Variants in C16orf78 observed in about 807,000 individuals in gnomAD.
The protein encoded by C16orf78 is uncharacterized protein C16orf78.
Under a neutral mutation model 27.3 loss-of-function variants are expected in C16orf78, and 19 were observed. The ratio of observed to expected loss-of-function variants is 0.70; its 90% CI spans 0.49 to 1.02. The LOEUF (loss-of-function observed/expected upper bound fraction) is 1.02. C16orf78 is among the 50% of genes least tolerant of loss of function. The pLI is 0.00. For synonymous variants in C16orf78, 130 were observed against 116.1 expected, an observed-to-expected ratio of 1.12 and a Z score of -0.77; for missense variants, 339 against 337.0, an observed-to-expected ratio of 1.01 and a Z score of -0.05.
At chr16:49,378,411 C>A (rs1047205354) in intron 2 of C16orf78, 59 bp from the exon 3 acceptor site, 1 of 1,532,564 alleles carries the variant, frequency 6.5e-7, no homozygotes, top group Non-Finnish European at 8.8e-7. Context: ...TGGGATGGAG[C>A]GGGGAGGGCG....
intron 3 of C16orf78, among the ~76,000 whole-genome samples, chr16:49,395,871 G>C (rs942054821): frequency 6.6e-6 from 1 of 152,092 alleles, no homozygotes; most frequent in East Asian, 1.9e-4. Context: ...AAGCAGAAAG[G>C]GGGAAGGAGG....
rs1965247813 is a variant in C16orf78 at position 49,378,501 on chromosome 16, C to T, written c.302C>T (p.Ala101Val). 6.2e-7 allele frequency: 1 copy of T among 1,603,510 alleles called. No homozygotes were observed. The highest frequency in any genetic ancestry group is 8.5e-7 in the Non-Finnish European group (1 of 1,174,746). The change falls in exon 3 of 5, where the codon GCC becomes GTC. Residue 101 changes from alanine to valine, a missense_variant. Transcript: ENST00000299191. Reference sequence around the variant, plus strand: ...GGAAAGAGATTCAGGAAGGACGCCGCCTCCTACCGAAGCCTCTATGGAGTG... The same window carrying T: ...GGAAAGAGATTCAGGAAGGACGCCGTCTCCTACCGAAGCCTCTATGGAGTG... ...ALGKRFRKDA[A>V]SYRSLYGVEQ...
chr16:49,387,830 T>G (rs1259407451), intron 3 of C16orf78, among the ~76,000 whole-genome samples: 2 of 152,232 alleles, frequency 1.3e-5, no homozygotes, highest in Non-Finnish European at 2.9e-5. Flanking sequence ...TTTTTCTAGC[T>G]TATGTACAGA....
rs779186441 is a variant in C16orf78 at position 49,377,727 on chromosome 16, T to C, written c.151-4T>C. 6.2e-7 allele frequency: 1 copy of C among 1,602,602 alleles called. No homozygotes were observed. Among genetic ancestry groups the C allele is most frequent in the South Asian group, 1.1e-5 (1 of 88,320 alleles). ...TGCAGGGCTCTCTTCCCTTGTCTTTTCAGAAGCAAAAGCCCAAAGTGGTGA... is the reference window on the plus strand; with the variant it reads ...TGCAGGGCTCTCTTCCCTTGTCTTTCCAGAAGCAAAAGCCCAAAGTGGTGA... On this transcript the variant is annotated splice_polypyrimidine_tract_variant and splice_region_variant and intron_variant, in intron 1 of 4. Coordinates refer to ENST00000299191, the MANE Select transcript of C16orf78 (RefSeq NM_144602.4).
Position 49,396,437 on chromosome 16 carries a change from G to T in C16orf78, c.409G>T (p.Asp137Tyr). Residue 137 changes from aspartate (D) to tyrosine (Y), a missense_variant, in exon 4 of 5, where the codon GAT becomes TAT. By Grantham distance (160) the Asp-to-Tyr change is radical. Coordinates refer to ENST00000299191, the MANE Select transcript of C16orf78 (RefSeq NM_144602.4). ...TCCAATTTCAGATACAGACATCAAG[G>T]ATGCAGTCGACCCAGAGTCCACTCA... ...GPKKSDTDIK[D>Y]AVDPESTQRP... is the part of the protein sequence containing the mutation. 1 of 1,614,070 alleles carries T rather than the reference G, an allele frequency of 6.2e-7. No homozygotes were observed. Among genetic ancestry groups the T allele is most frequent in the Non-Finnish European group, 8.5e-7 (1 of 1,180,010 alleles).
At chr16:49,383,480 G>A (rs1229925721) in intron 3 of C16orf78, among the ~76,000 whole-genome samples, 2 of 152,214 alleles carry the variant, frequency 1.3e-5, no homozygotes, top group African/African-American at 4.8e-5. Context: ...GGATGTCAGA[G>A]TCTATCCTAC....
At chr16:49,387,726 A>G (rs1965367415) in intron 3 of C16orf78, among the ~76,000 whole-genome samples, 1 of 152,080 alleles carries the variant, frequency 6.6e-6, no homozygotes, top group Admixed American at 6.5e-5. Flanking sequence ...TACTGATTCA[A>G]TTTTGGAGCT....
At chr16:49,391,072 A>C (rs1459235160) in intron 3 of C16orf78, among the ~76,000 whole-genome samples, 1 of 152,238 alleles carries the variant, frequency 6.6e-6, no homozygotes, top group Non-Finnish European at 1.5e-5. Context: ...ATCTTGGCTG[A>C]AGGCAGAAGT....
In C16orf78 at chr16:49,397,805, G is replaced by T. The variant is rs764961365; in HGVS notation, c.650+1127G>T. On this transcript the variant is annotated intron_variant, in intron 4 of 4. Transcript: ENST00000299191. ...ATTATTGAGACAGCCTCTCTCTGTC[G>T]CCCAGGCTGGAGTGCAGTGATGTGA... Among the ~76,000 whole-genome samples the T allele has an allele frequency of 3.3e-5, 5 of 152,156 alleles. 1 individual carries two copies. The highest frequency in any genetic ancestry group is 5.9e-5 in the Non-Finnish European group (4 of 68,014).
In C16orf78 at chr16:49,374,161, C is replaced by T. The variant is rs1596916232; in HGVS notation, c.150+72C>T. On this transcript the variant is annotated intron_variant, in intron 1 of 4. Coordinates refer to ENST00000299191, the MANE Select transcript of C16orf78 (RefSeq NM_144602.4). ...GTTGCAGTAGGGGAGAGAGATTGAACTTAACTCTCCTGAAACAAAAGGCGG... is the reference window on the plus strand; with the variant it reads ...GTTGCAGTAGGGGAGAGAGATTGAATTTAACTCTCCTGAAACAAAAGGCGG... 1.5e-5 allele frequency: 23 copies of T among 1,550,904 alleles called. No homozygotes were observed. In the East Asian group the frequency reaches 2.7e-4, roughly 18 times the overall value.
Position 49,396,544 on chromosome 16 carries a change from C to T in C16orf78, c.516C>T (p.Thr172=), listed in dbSNP as rs767134665. The T allele has an allele frequency of 5.6e-6, 9 of 1,610,816 alleles. No individual in the cohort carries two copies. Among genetic ancestry groups the T allele is most frequent in the Non-Finnish European group, 6.8e-6 (8 of 1,179,974 alleles). ...QEGTFNSQRA[T]FIRDWSNKMP... ...GTACCTTTAACAGCCAGAGGGCAACCTTCATAAGAGACTGGTCCAACAAGA... is the reference window on the plus strand; with the variant it reads ...GTACCTTTAACAGCCAGAGGGCAACTTTCATAAGAGACTGGTCCAACAAGA... Residue 172 remains threonine, a synonymous_variant, in exon 4 of 5, where the codon ACC becomes ACT. Transcript: ENST00000299191.
intron 1 of C16orf78, among the ~76,000 whole-genome samples, chr16:49,374,771 A>C (rs971366468): frequency 6.6e-6 from 1 of 152,172 alleles, no homozygotes; most frequent in Non-Finnish European, 1.5e-5. Flanking sequence ...AGCTAGTTCT[A>C]ACCCACCCTT....
Position 49,399,372 on chromosome 16 carries a change from A to C in C16orf78, c.*94A>C. On this transcript the variant is annotated 3_prime_UTR_variant, in exon 5 of 5. Coordinates refer to ENST00000299191, the MANE Select transcript of C16orf78 (RefSeq NM_144602.4). ...CTGGCACACTACAAGTGGTCCTTCCAACTTAGTGCATCCCTTTAGAAAGTA... is the reference window on the plus strand; with the variant it reads ...CTGGCACACTACAAGTGGTCCTTCCCACTTAGTGCATCCCTTTAGAAAGTA... The C allele has an allele frequency of 2.1e-6, 3 of 1,405,838 alleles. No homozygotes were observed. The highest frequency in any genetic ancestry group is 2.9e-6 in the Non-Finnish European group (3 of 1,021,536). The allele number at this position is 1,405,838 out of a possible 1,614,324, so 87.1% of individuals were successfully genotyped here.
rs543721369 is a variant in C16orf78, at chr16:49,374,741, C to T, written c.150+652C>T. ...ACTGCAACTCCAGCTAACATACCTC[C>T]TCTTTTCTACCCTACATCGAGCTAG... On this transcript the variant is annotated intron_variant, in intron 1 of 4. Coordinates refer to ENST00000299191, the MANE Select transcript of C16orf78 (RefSeq NM_144602.4). Among the ~76,000 whole-genome samples, 4 of 152,308 alleles carry T rather than the reference C, an allele frequency of 2.6e-5. No individual in the cohort carries two copies. The East Asian group carries it at 5.8e-4, about 22-fold the overall frequency.
chr16:49,381,036 C>A (rs1474344100), intron 3 of C16orf78, among the ~76,000 whole-genome samples: 1 of 151,206 alleles, frequency 6.6e-6, no homozygotes, highest in Admixed American at 6.6e-5. Context: ...GTTACTGTAG[C>A]CTTGTAGTAT....
At chr16:49,394,273 A>G (rs958167157) in intron 3 of C16orf78, among the ~76,000 whole-genome samples, 1 of 152,188 alleles carries the variant, frequency 6.6e-6, no homozygotes, top group African/African-American at 2.4e-5. Flanking sequence ...TTGGCCAATA[A>G]TATAAATGCG....
chr16:49,378,008 C>G (rs1014509239), intron 2 of C16orf78, among the ~76,000 whole-genome samples, 158 bp downstream of exon 2: 1 of 152,198 alleles, frequency 6.6e-6, no homozygotes, highest in African/African-American at 2.4e-5. Flanking sequence ...ATCTCCACCC[C>G]TCCCTACCCT....
At chr16:49,389,179 T>C (rs1965383230) in intron 3 of C16orf78, among the ~76,000 whole-genome samples, 1 of 152,154 alleles carries the variant, frequency 6.6e-6, no homozygotes, top group African/African-American at 2.4e-5. Flanking sequence ...TCCTAGCACT[T>C]TGGGAGACGG....
intron 4 of C16orf78, among the ~76,000 whole-genome samples, 171 bp from the exon 5 acceptor site, chr16:49,398,960 G>C (rs1295353393): frequency 2.6e-5 from 4 of 152,136 alleles, no homozygotes; most frequent in Non-Finnish European, 5.9e-5. Context: ...CGCCTTTGTG[G>C]GGTGTCCCAC....
Sources: allele counts gnomAD v4.1 joint callset (sites outside exome capture counted in the v4.1 genomes callset), GRCh38; gene constraint gnomAD v4.1.1; transcripts MANE v1.5; gene names NCBI Gene and HGNC (gene_info 2026-07-23, HGNC 2026-07-21).